Variants in PRTFDC1 observed in about 807,000 individuals in gnomAD.
PRTFDC1 encodes the protein phosphoribosyl transferase domain containing 1, also known as phosphoribosyltransferase domain-containing protein 1.
PRTFDC1 carries 38 observed loss-of-function variants against 34.6 expected under a neutral mutation model. That is an observed-to-expected ratio of 1.10 (90% confidence interval 0.85 to 1.44). The LOEUF is 1.44. Among genes scored for constraint, PRTFDC1 ranks in the 40% most tolerant of loss-of-function variants. The probability of loss-of-function intolerance (pLI) is 0.00; values close to 1 mark genes in which losing one functional copy is unlikely to be tolerated. For missense variants in PRTFDC1, 270 were observed against 283.0 expected (o/e 0.95, Z 0.33); for synonymous variants, 93 against 98.1 (o/e 0.95, Z 0.31).
chr10:24,850,035 A>C, intron 8 of PRTFDC1, 144 bp from the exon 9 acceptor site: 1 of 748,388 alleles, frequency 1.3e-6, no homozygotes, highest in South Asian at 1.8e-5. Context: ...TGTGTGGGTA[A>C]AATCTAAAGA....
rs760901490 is a variant in PRTFDC1, at chr10:24,908,650, A to G, written c.339+28534T>C. 3.7e-6 allele frequency: 6 copies of G among 1,611,280 alleles called. No homozygotes were observed. The South Asian group carries it at 5.5e-5, about 15-fold the overall frequency. On this transcript the variant is annotated intron_variant, in intron 3 of 8. Transcript: ENST00000320152. ...CTTGACTGAAGGCCAGTCCTCCTCTATCACAGATGGTTGTCCTCTTCAACC... is the reference window on the plus strand; with the variant it reads ...CTTGACTGAAGGCCAGTCCTCCTCTGTCACAGATGGTTGTCCTCTTCAACC...
chr10:24,923,616 A>T (rs1848824869), intron 3 of PRTFDC1, among the ~76,000 whole-genome samples: 2 of 152,214 alleles, frequency 1.3e-5, no homozygotes, highest in African/African-American at 4.8e-5. Context: ...ATCAACAAAA[A>T]GGACATCCAC....
chr10:24,947,892 G>A (rs1380304951), intron 1 of PRTFDC1, among the ~76,000 whole-genome samples: 2 of 152,044 alleles, frequency 1.3e-5, no homozygotes, highest in Non-Finnish European at 2.9e-5. Flanking sequence ...ACCCTGGGAA[G>A]GGCCCCACCT....
chr10:24,886,956 CTTTTTTTTTTTTTTT>C (rs57910963), intron 3 of PRTFDC1, among the ~76,000 whole-genome samples: 1 of 86,426 alleles, frequency 1.2e-5, no homozygotes, highest in Non-Finnish European at 2.1e-5. Context: ...AATACTCCTT[CTTTTTTTTTTTTTTT>C]TTTTTTTTTT....
intron 4 of PRTFDC1, among the ~76,000 whole-genome samples, chr10:24,863,198 G>A (rs915513992): frequency 2.0e-5 from 3 of 152,004 alleles, no homozygotes; most frequent in African/African-American, 7.2e-5. Context: ...TCCTTTTAGG[G>A]ACTAATGCAG....
intron 3 of PRTFDC1, among the ~76,000 whole-genome samples, chr10:24,878,430 G>A (rs565492868): frequency 6.6e-6 from 1 of 152,328 alleles, no homozygotes; most frequent in East Asian, 1.9e-4. Flanking sequence ...CCTCCCTGGA[G>A]AGGAACACCA....
At chr10:24,853,098 G>A (rs778436564) in intron 7 of PRTFDC1, among the ~76,000 whole-genome samples, 13 of 152,006 alleles carry the variant, frequency 8.6e-5, no homozygotes, top group Non-Finnish European at 1.8e-4. Flanking sequence ...AAGTTACATT[G>A]AGGAGAAAAG....
intron 4 of PRTFDC1, among the ~76,000 whole-genome samples, chr10:24,858,977 C>A (rs1307697188): frequency 6.6e-6 from 1 of 152,178 alleles, no homozygotes; most frequent in Non-Finnish European, 1.5e-5. Context: ...TTCTTTGCAA[C>A]AAGCTCTCAA....
At chr10:24,908,608 AC>A in intron 3 of PRTFDC1, 1 of 1,612,740 alleles carries the variant, frequency 6.2e-7, no homozygotes, top group Non-Finnish European at 8.5e-7. Context: ...GCAGGGGAGC[AC>A]AGCTACTCAT....
chr10:24,892,384 C>T (rs1316698517), intron 3 of PRTFDC1, among the ~76,000 whole-genome samples: 1 of 152,140 alleles, frequency 6.6e-6, no homozygotes, highest in Non-Finnish European at 1.5e-5. Context: ...TCTCCCTTCT[C>T]TCCATCCTCA....
At chr10:24,911,927 T>C (rs1848632558) in intron 3 of PRTFDC1, among the ~76,000 whole-genome samples, 1 of 151,558 alleles carries the variant, frequency 6.6e-6, no homozygotes, top group Non-Finnish European at 1.5e-5. Context: ...GATAAATACA[T>C]AGGAGAGTAT....
At chr10:24,919,678 T>G (rs1254100494) in intron 3 of PRTFDC1, among the ~76,000 whole-genome samples, 1 of 152,148 alleles carries the variant, frequency 6.6e-6, no homozygotes. Context: ...AAAGAAACTA[T>G]TGTCAGAGTG....
intron 4 of PRTFDC1, among the ~76,000 whole-genome samples, chr10:24,870,877 G>T (rs917375832): frequency 2.6e-5 from 4 of 151,688 alleles, no homozygotes; most frequent in Non-Finnish European, 4.4e-5. Context: ...TTTGAGACCC[G>T]CCTGGCCAAC....
chr10:24,903,451 T>C (rs759743251), intron 3 of PRTFDC1, among the ~76,000 whole-genome samples: 3 of 152,210 alleles, frequency 2.0e-5, no homozygotes, highest in Non-Finnish European at 4.4e-5. Flanking sequence ...TCTGAATGTA[T>C]ATTGCACTTC....
At chr10:24,913,762 A>T (rs1307972877) in intron 3 of PRTFDC1, among the ~76,000 whole-genome samples, 7 of 152,214 alleles carry the variant, frequency 4.6e-5, no homozygotes. Flanking sequence ...TTTACCTCTA[A>T]TGGGGACTAG....
chr10:24,949,044 C>T (rs1196382036), intron 1 of PRTFDC1, among the ~76,000 whole-genome samples: 2 of 152,160 alleles, frequency 1.3e-5, no homozygotes, highest in Non-Finnish European at 2.9e-5. Context: ...GCACACTAGA[C>T]CTCCCTTACA....
chr10:24,916,153 A>C (rs1161214385), intron 3 of PRTFDC1, among the ~76,000 whole-genome samples: 2 of 152,160 alleles, frequency 1.3e-5, no homozygotes, highest in Non-Finnish European at 2.9e-5. Flanking sequence ...ATTCATCAGC[A>C]CGTATGGGTG....
At chr10:24,937,806 C>T (rs1849079968) in intron 2 of PRTFDC1, among the ~76,000 whole-genome samples, 1 of 151,966 alleles carries the variant, frequency 6.6e-6, no homozygotes, top group Non-Finnish European at 1.5e-5. Context: ...GACCTGGCCA[C>T]CTTGGCTTCC....
intron 3 of PRTFDC1, among the ~76,000 whole-genome samples, chr10:24,877,672 G>A (rs1367862423): frequency 6.6e-6 from 1 of 152,142 alleles, no homozygotes; most frequent in Non-Finnish European, 1.5e-5. Flanking sequence ...ACAGGCTGGA[G>A]TGCAGTGGTA....
Sources: allele counts gnomAD v4.1 joint callset (sites outside exome capture counted in the v4.1 genomes callset), GRCh38; gene constraint gnomAD v4.1.1; transcripts MANE v1.5; gene names NCBI Gene and HGNC (gene_info 2026-07-23, HGNC 2026-07-21).